Variants in PCNX1 observed in about 807,000 individuals in gnomAD.
PCNX1 encodes pecanex-like protein 1.
A neutral mutation model predicts 242.2 loss-of-function variants in PCNX1; 78 were observed. The ratio of observed to expected loss-of-function variants is 0.32; its 90% CI spans 0.27 to 0.39. The LOEUF (loss-of-function observed/expected upper bound fraction) is 0.39. PCNX1 is among the 10% of genes least tolerant of loss of function. The pLI is 1.00. For missense variants in PCNX1, 2,581 were observed against 2,856.5 expected, an observed-to-expected ratio of 0.90 and a Z score of 2.20; for synonymous variants, 1,024 against 1,032.9, an observed-to-expected ratio of 0.99 and a Z score of 0.17.
At chr14:71,068,583 T>G (rs1261502366) in intron 26 of PCNX1, among the ~76,000 whole-genome samples, 1 of 120,430 alleles carries the variant, frequency 8.3e-6, no homozygotes, top group Non-Finnish European at 1.6e-5. Context: ...TAGGTTTGTA[T>G]GTACGTGCGT....
intron 11 of PCNX1, among the ~76,000 whole-genome samples, chr14:71,017,997 A>T (rs2060003482): frequency 6.6e-6 from 1 of 152,210 alleles, no homozygotes. Flanking sequence ...GAAAATTTAA[A>T]TATGTACAAA....
At chr14:70,975,900 G>A (rs142381240) in intron 5 of PCNX1, among the ~76,000 whole-genome samples, 5 of 151,996 alleles carry the variant, frequency 3.3e-5, no homozygotes. Context: ...TTTTTTTCAT[G>A]AAGTATTTTT....
Position 70,995,609 on chromosome 14 carries a change from T to C in PCNX1, c.2445-132T>C, listed in dbSNP as rs2059325514. On this transcript the variant is annotated intron_variant, in intron 7 of 35. Coordinates refer to ENST00000304743, the MANE Select transcript of PCNX1 (RefSeq NM_014982.3). ...ATGTAATCTGTATATTTTGCAAAGT[T>C]TGTTGGCGCTTTCTTAGGTTATGTT... The C allele has an allele frequency of 8.8e-6, 6 of 681,096 alleles. No homozygotes were observed. The East Asian group carries it at 1.4e-4, about 15-fold the overall frequency. The allele number at this position is 681,096 out of a possible 1,614,324, so 42.2% of individuals were successfully genotyped here.
At position 71,088,414 on chromosome 14, in the gene PCNX1, T is replaced by A. The variant is rs2062046526; in HGVS notation, c.5422T>A (p.Ser1808Thr). 7.5e-6 allele frequency: 12 copies of A among 1,600,574 alleles called. No homozygotes were observed. Among genetic ancestry groups the A allele is most frequent in the Non-Finnish European group, 1.0e-5 (12 of 1,167,868 alleles). ...VLGRRALGTA[S>T]HHMSSNLESF... ...GGGACGGAGAGCTTTGGGGACTGCA[T>A]CCCATCATATGTCCAGGTAAAGAAG... The change falls in exon 29 of 36, where the codon TCC becomes ACC. Residue 1808 changes from serine (S) to threonine (T), a missense_variant. Physicochemically the swap from Ser to Thr is moderately conservative, Grantham distance 58 (BLOSUM62 1). Coordinates refer to ENST00000304743, the MANE Select transcript of PCNX1 (RefSeq NM_014982.3).
At chr14:71,053,190 A>G (rs897237918) in intron 24 of PCNX1, 36 of 439,774 alleles carry the variant, frequency 8.2e-5, no homozygotes, top group South Asian at 3.4e-4. Context: ...CTCTGGACCA[A>G]TTAGCCCAAA....
chr14:71,076,157 G>C (rs757572019), intron 27 of PCNX1, 32 bp from the exon 28 acceptor site: 2 of 1,292,958 alleles, frequency 1.5e-6, no homozygotes, highest in Non-Finnish European at 2.2e-6. Context: ...AATTTAATCT[G>C]AATTCTTTTT....
rs529304881 is a variant in PCNX1 at position 71,071,995 on chromosome 14, C to T, written c.4853-1550C>T. On this transcript the variant is annotated intron_variant, in intron 26 of 35. Coordinates refer to ENST00000304743, the MANE Select transcript of PCNX1 (RefSeq NM_014982.3). Reference sequence around the variant, plus strand: ...TACACCATTTGTCAATTTAAGTTTGCCATCTTATATGGGCATAAATTGTGG... The same window carrying T: ...TACACCATTTGTCAATTTAAGTTTGTCATCTTATATGGGCATAAATTGTGG... Among the ~76,000 whole-genome samples the T allele has an allele frequency of 3.3e-4, 50 of 152,222 alleles. No individual in the cohort carries two copies. In the South Asian group the frequency reaches 1.0e-2, roughly 30 times the overall value.
chr14:71,086,726 T>C (rs1416528249), intron 28 of PCNX1, among the ~76,000 whole-genome samples: 1 of 152,242 alleles, frequency 6.6e-6, no homozygotes, highest in Admixed American at 6.5e-5. Flanking sequence ...TAGCTCTCTC[T>C]AGCACTCTGC....
intron 26 of PCNX1, among the ~76,000 whole-genome samples, chr14:71,064,511 C>G (rs2061400850): frequency 6.6e-6 from 1 of 152,152 alleles, no homozygotes; most frequent in African/African-American, 2.4e-5. Context: ...GCACAAAATA[C>G]AGCTCTTGTG....
chr14:71,092,568 A>T (rs2062163841), intron 30 of PCNX1: 1 of 152,206 alleles, frequency 6.6e-6, no homozygotes. Flanking sequence ...TTGAGGAAAA[A>T]GGTTATCTGC....
intron 10 of PCNX1, 119 bp from the exon 11 acceptor site, chr14:71,012,866 T>C (rs1400606424): frequency 6.9e-6 from 5 of 726,794 alleles, no homozygotes; most frequent in Admixed American, 2.3e-5. Context: ...ATTAAAGGGC[T>C]TAGATAACTG....
At chr14:70,974,052 C>A (rs2058619018) in intron 5 of PCNX1, among the ~76,000 whole-genome samples, 1 of 150,908 alleles carries the variant, frequency 6.6e-6, no homozygotes, top group African/African-American at 2.4e-5. Flanking sequence ...CATATAAACA[C>A]AATTATATGT....
At chr14:71,037,743 CA>C (rs1401250651) in intron 19 of PCNX1, among the ~76,000 whole-genome samples, 2 of 151,326 alleles carry the variant, frequency 1.3e-5, no homozygotes, top group African/African-American at 4.9e-5. Context: ...CATATGGAAC[CA>C]AAAAAGAGCC....
At chr14:71,057,260 A>G (rs1051548162) in intron 25 of PCNX1, among the ~76,000 whole-genome samples, 1 of 152,212 alleles carries the variant, frequency 6.6e-6, no homozygotes, top group African/African-American at 2.4e-5. Context: ...GATTGCTTCA[A>G]ATCAAATTCT....
intron 6 of PCNX1, among the ~76,000 whole-genome samples, chr14:70,981,880 C>A (rs2058850063): frequency 6.6e-6 from 1 of 152,076 alleles, no homozygotes. Flanking sequence ...CAAAGAATAG[C>A]CCGAGTGGAG....
chr14:71,003,055 T>A (rs1408904770), intron 8 of PCNX1, among the ~76,000 whole-genome samples: 1 of 150,908 alleles, frequency 6.6e-6, no homozygotes. Flanking sequence ...TTACTCATTT[T>A]AAAAATCGGG....
chr14:70,957,288 G>A (rs1195431178), intron 2 of PCNX1, among the ~76,000 whole-genome samples: 1 of 152,056 alleles, frequency 6.6e-6, no homozygotes, highest in African/African-American at 2.4e-5. Flanking sequence ...CACCCAGCCT[G>A]TTTTTATGTA....
rs1165660966 is a variant in PCNX1, at chr14:70,946,990, G to A, written c.229G>A (p.Val77Ile). The A allele has an allele frequency of 6.2e-7, 1 of 1,613,768 alleles. No homozygotes were observed. Among genetic ancestry groups the A allele is most frequent in the Non-Finnish European group, 8.5e-7 (1 of 1,179,798 alleles). Residue 77 changes from valine (V) to isoleucine (I), a missense_variant, in exon 2 of 36, where the codon GTC becomes ATC. Coordinates refer to ENST00000304743, the MANE Select transcript of PCNX1 (RefSeq NM_014982.3). Reference sequence around the variant, plus strand: ...TGCTGTTTTCATTGTTCTGAAGATGGTCAACTATCGACTACACAGAGCACT... The same window carrying A: ...TGCTGTTTTCATTGTTCTGAAGATGATCAACTATCGACTACACAGAGCACT... Reference protein sequence around the residue: ...IAAVFIVLKMVNYRLHRALDA... With the variant: ...IAAVFIVLKMINYRLHRALDA...
intron 30 of PCNX1, among the ~76,000 whole-genome samples, chr14:71,094,389 A>C (rs1245226681): frequency 6.6e-6 from 1 of 152,210 alleles, no homozygotes. Flanking sequence ...ATTTGTCAAG[A>C]TGCATCTAAC....
Sources: gnomAD v4.1 joint callset for allele counts (sites outside exome capture counted in the v4.1 genomes callset) on GRCh38, gnomAD v4.1.1 for gene constraint, MANE v1.5 for transcripts, NCBI Gene and HGNC (gene_info 2026-07-23, HGNC 2026-07-21) for gene names.